The following SLC5A3 variants were observed in gnomAD, a reference collection of about 807,000 sequenced individuals.
SLC5A3 encodes sodium/myo-inositol cotransporter.
SLC5A3 carries 10 observed loss-of-function variants against 43.2 expected under a neutral mutation model. That is an observed-to-expected ratio of 0.23 (90% CI 0.14 to 0.39). The LOEUF (loss-of-function observed/expected upper bound fraction) is 0.39. SLC5A3 is among the 10% of genes least tolerant of loss of function. The pLI is 1.00. For missense variants in SLC5A3, 608 were observed against 893.4 expected (o/e 0.68, Z 4.07); for synonymous variants, 349 against 322.0 (o/e 1.08, Z -0.90).
chr21:34,097,803 G>A lies in SLC5A3; in HGVS notation c.*448G>A, dbSNP rs552522104. On this transcript the variant is annotated 3_prime_UTR_variant, in exon 2 of 2. Coordinates refer to ENST00000381151, the MANE Select transcript of SLC5A3 (RefSeq NM_006933.7). Reference sequence around the variant, plus strand: ...AAGAAAAACTTATTTCTTAGACATTGTACAATCAGTTATGTACTGAAAATC... The same window carrying A: ...AAGAAAAACTTATTTCTTAGACATTATACAATCAGTTATGTACTGAAAATC... 4.0e-6 allele frequency: 4 copies of A among 999,984 alleles called. No individual in the cohort carries two copies. In the African/African-American group the frequency reaches 7.0e-5, roughly 18 times the overall value. 61.9% of individuals were successfully genotyped at this position (999,984 alleles called of 1,614,324 possible). A position where few individuals can be genotyped will look rare whatever the true frequency, so the allele number is the denominator to read the frequency against.
intron 1 of SLC5A3, among the ~76,000 whole-genome samples, chr21:34,085,061 A>G (rs973934343): frequency 3.3e-5 from 5 of 152,218 alleles, no homozygotes; most frequent in Non-Finnish European, 1.5e-5. Flanking sequence ...CAAATATTCA[A>G]TTCATATAGA....
At position 34,096,718 on chromosome 21, in the gene SLC5A3, A is replaced by T. The variant is rs767822490; in HGVS notation, c.1520A>T (p.Lys507Ile). The change falls in exon 2 of 2, where the codon AAA becomes ATA. Residue 507 changes from lysine to isoleucine, a missense_variant. Around this residue, in one of 2 missense-constraint regions of SLC5A3, gnomAD observed 398 missense variants for 668.6 expected, o/e 0.60. Coordinates refer to ENST00000381151, the MANE Select transcript of SLC5A3 (RefSeq NM_006933.7). The surrounding 1 kb of genome is among the most constrained non-coding windows in gnomAD (Gnocchi z 5.9). ...CCTGATAATAGGCCGGGCTTCATCAAAGACATCCATTATATGTATGTGGCC... is the reference window on the plus strand; with the variant it reads ...CCTGATAATAGGCCGGGCTTCATCATAGACATCCATTATATGTATGTGGCC... ...DQPDNRPGFI[K>I]DIHYMYVATG... The T allele has an allele frequency of 1.2e-6, 2 of 1,614,092 alleles. No homozygotes were observed. Among genetic ancestry groups the T allele is most frequent in the Non-Finnish European group, 1.7e-6 (2 of 1,179,988 alleles).
At chr21:34,080,634 C>T (rs1157738785) in intron 1 of SLC5A3, among the ~76,000 whole-genome samples, 2 of 152,184 alleles carry the variant, frequency 1.3e-5, no homozygotes, top group East Asian at 3.8e-4. Flanking sequence ...GCATGAATCT[C>T]ATCACGTCTC....
Position 34,103,501 on chromosome 21 carries a change from A to G in SLC5A3, c.*6146A>G. 5 of 999,286 alleles carry G rather than the reference A, an allele frequency of 5.0e-6. No homozygotes were observed. The highest frequency in any genetic ancestry group is 4.8e-6 in the Non-Finnish European group (4 of 829,152). The allele number at this position is 999,286 out of a possible 1,614,324, so 61.9% of individuals were successfully genotyped here. On this transcript the variant is annotated 3_prime_UTR_variant, in exon 2 of 2. Coordinates refer to ENST00000381151, the MANE Select transcript of SLC5A3 (RefSeq NM_006933.7). ...TTTGTTGTGTTTCCATTGTAGGTTG[A>G]TAGGTATATCGAGAACAGGTACGTG...
intron 1 of SLC5A3, among the ~76,000 whole-genome samples, chr21:34,078,949 C>A (rs1989396089): frequency 6.6e-6 from 1 of 152,114 alleles, no homozygotes. Context: ...ATGTAGTTAC[C>A]TCTTAGGGGA....
intron 1 of SLC5A3, among the ~76,000 whole-genome samples, chr21:34,087,130 T>C (rs1014142728): frequency 2.8e-4 from 42 of 152,222 alleles, no homozygotes; most frequent in Admixed American, 1.1e-3. Flanking sequence ...AGGTTTTTAC[T>C]ATGTCATGGG....
chr21:34,104,337 G>A lies in SLC5A3; in HGVS notation c.*6982G>A. 1 of 998,918 alleles carries A rather than the reference G, an allele frequency of 1.0e-6. No homozygotes were observed. Among genetic ancestry groups the A allele is most frequent in the Non-Finnish European group, 1.2e-6 (1 of 828,824 alleles). The allele number at this position is 998,918 out of a possible 1,614,324, so 61.9% of individuals were successfully genotyped here. A position where few individuals can be genotyped will look rare whatever the true frequency, so the allele number is the denominator to read the frequency against. On this transcript the variant is annotated 3_prime_UTR_variant, in exon 2 of 2. Transcript: ENST00000381151. ...AATGTGTGTGTAGAAGAAAACGTAT[G>A]TTCTTCTACTCAGCATTGCCCTTTT...
Position 34,100,506 on chromosome 21 carries a change from C to G in SLC5A3, c.*3151C>G, listed in dbSNP as rs958784404. On this transcript the variant is annotated 3_prime_UTR_variant, in exon 2 of 2. Transcript: ENST00000381151. ...GTCCTTCGGCCTAAATTCAATAGAT[C>G]TCATCTCCTAGGGCTTCCTTTTCAC... 3.0e-6 allele frequency: 3 copies of G among 1,000,118 alleles called. No homozygotes were observed. The African/African-American group carries it at 5.2e-5, about 17-fold the overall frequency. The allele number at this position is 1,000,118 out of a possible 1,614,324, so 62.0% of individuals were successfully genotyped here. A position where few individuals can be genotyped will look rare whatever the true frequency, so the allele number is the denominator to read the frequency against.
chr21:34,091,742 G>A (rs1403626960), intron 1 of SLC5A3, among the ~76,000 whole-genome samples: 1 of 152,112 alleles, frequency 6.6e-6, no homozygotes, highest in Non-Finnish European at 1.5e-5. Flanking sequence ...TGGGAAGAAG[G>A]GGAATCTGCT....
At chr21:34,094,111 A>G (rs1175992784) in intron 1 of SLC5A3, among the ~76,000 whole-genome samples, 1 of 152,226 alleles carries the variant, frequency 6.6e-6, no homozygotes. Flanking sequence ...TGCTTCTTTT[A>G]AAGTTTGCTT....
intron 1 of SLC5A3, among the ~76,000 whole-genome samples, chr21:34,078,658 T>C (rs1379581150): frequency 3.3e-5 from 5 of 152,192 alleles, no homozygotes; most frequent in African/African-American, 7.2e-5. Context: ...TGAAGTAATA[T>C]TTTTCATCTA....
chr21:34,088,058 C>T (rs1020797680), intron 1 of SLC5A3, among the ~76,000 whole-genome samples: 17 of 152,192 alleles, frequency 1.1e-4, no homozygotes, highest in Admixed American at 9.2e-4. Context: ...CCCGGAACAA[C>T]AGGCAACTAC....
chr21:34,078,637 C>T (rs1032692525), intron 1 of SLC5A3, among the ~76,000 whole-genome samples: 3 of 151,976 alleles, frequency 2.0e-5, no homozygotes, highest in African/African-American at 7.3e-5. Flanking sequence ...AAAGCAATGA[C>T]GGGAAAATTC....
At chr21:34,094,495 TA>T (rs1978871272) in intron 1 of SLC5A3, among the ~76,000 whole-genome samples, 1 of 152,160 alleles carries the variant, frequency 6.6e-6, no homozygotes. Context: ...ATTACGAATA[TA>T]ATTAGTGTTT....
chr21:34,077,325 C>CT (rs1989356932), intron 1 of SLC5A3, among the ~76,000 whole-genome samples: 1 of 152,172 alleles, frequency 6.6e-6, no homozygotes, highest in Non-Finnish European at 1.5e-5. Flanking sequence ...AAGAAGAAAT[C>CT]TGAGGAAAGA....
chr21:34,101,745 A>G lies in SLC5A3; in HGVS notation c.*4390A>G, dbSNP rs373386842. ...ATCCAAATAATGACTCATTAAATAT[A>G]ATTATGTTTTAAGTATACTGAATTT... On this transcript the variant is annotated 3_prime_UTR_variant, in exon 2 of 2. Transcript: ENST00000381151. The G allele has an allele frequency of 2.7e-5, 27 of 992,792 alleles. No homozygotes were observed. The African/African-American group carries it at 3.3e-4, about 12-fold the overall frequency. The allele number at this position is 992,792 out of a possible 1,614,324, so 61.5% of individuals were successfully genotyped here.
intron 1 of SLC5A3, among the ~76,000 whole-genome samples, chr21:34,081,392 C>CGT (rs1989455725): frequency 6.6e-6 from 1 of 152,036 alleles, no homozygotes; most frequent in African/African-American, 2.4e-5. Context: ...ACTTAAGGTA[C>CGT]GTATATATAG....
At chr21:34,074,997 G>A (rs1478691615) in intron 1 of SLC5A3, among the ~76,000 whole-genome samples, 1 of 152,222 alleles carries the variant, frequency 6.6e-6, no homozygotes, top group African/African-American at 2.4e-5. Flanking sequence ...CATGGATTTG[G>A]AAGAAGTTAA....
At chr21:34,086,900 G>A (rs1978417112) in intron 1 of SLC5A3, among the ~76,000 whole-genome samples, 5 of 152,144 alleles carry the variant, frequency 3.3e-5, no homozygotes, top group Admixed American at 3.3e-4. Context: ...GGGAATTGTT[G>A]CTTGCCGGCA....
Sources: allele counts gnomAD v4.1 joint callset (sites outside exome capture counted in the v4.1 genomes callset), GRCh38; gene constraint gnomAD v4.1.1; regional missense constraint gnomAD v4.1.1; non-coding constraint Gnocchi (gnomAD v3.1); transcripts MANE v1.5; gene names NCBI Gene and HGNC (gene_info 2026-07-23, HGNC 2026-07-21).